SLC6A6: variants seen among roughly 807,000 people sequenced by gnomAD.
The protein encoded by SLC6A6 is sodium- and chloride-dependent taurine transporter.
Under a neutral mutation model 68.8 loss-of-function variants are expected in SLC6A6, and 16 were observed. The ratio of observed to expected loss-of-function variants is 0.23; its 90% CI spans 0.16 to 0.35. SLC6A6 has a LOEUF of 0.35. SLC6A6 is among the 10% of genes least tolerant of loss of function. The pLI is 1.00. For missense variants in SLC6A6, 474 were observed against 802.8 expected, an observed-to-expected ratio of 0.59 and a Z score of 4.95; for synonymous variants, 312 against 315.4, an observed-to-expected ratio of 0.99 and a Z score of 0.12.
chr3:14,489,300 T>A lies in SLC6A6; in HGVS notation c.*4293T>A, dbSNP rs1200608378. The A allele has an allele frequency of 2.0e-5, 3 of 152,662 alleles. No individual in the cohort carries two copies. Among genetic ancestry groups the A allele is most frequent in the African/African-American group, 7.2e-5 (3 of 41,460 alleles). The allele number at this position is 152,662 out of a possible 1,614,324, so 9.5% of individuals were successfully genotyped here. A position where few individuals can be genotyped will look rare whatever the true frequency, so the allele number is the denominator to read the frequency against. On this transcript the variant is annotated 3_prime_UTR_variant, in exon 15 of 15. Transcript: ENST00000622186. Reference sequence around the variant, plus strand: ...TCATCTTTGCTTTTTTTAGAGGAGTTTGTAATCACCTTATAACATGAAAAT... The same window carrying A: ...TCATCTTTGCTTTTTTTAGAGGAGTATGTAATCACCTTATAACATGAAAAT...
chr3:14,417,659 G>A (rs1699394174), intron 2 of SLC6A6, among the ~76,000 whole-genome samples: 1 of 151,992 alleles, frequency 6.6e-6, no homozygotes. Flanking sequence ...GTGAACCCGG[G>A]GGATGGAGCT....
chr3:14,458,169 C>T (rs752681212), intron 6 of SLC6A6, 87 bp downstream of exon 6: 57 of 1,274,250 alleles, frequency 4.5e-5, no homozygotes, highest in Middle Eastern at 1.8e-4. Context: ...CAATTAGCCA[C>T]GCCCCAAGAG....
intron 2 of SLC6A6, among the ~76,000 whole-genome samples, chr3:14,436,873 T>C (rs1316042673): frequency 6.6e-6 from 1 of 152,182 alleles, no homozygotes; most frequent in African/African-American, 2.4e-5. Flanking sequence ...GTCTCCATCA[T>C]GTGGCCCTTC....
At chr3:14,448,048 A>G (rs1700170503) in intron 5 of SLC6A6, 3 of 1,253,652 alleles carry the variant, frequency 2.4e-6, no homozygotes, top group African/African-American at 3.0e-5. Context: ...TCTGAGCCTC[A>G]GTTTCTTTAC....
At position 14,487,537 on chromosome 3, in the gene SLC6A6, G is replaced by T. The variant is rs867655837; in HGVS notation, c.*2530G>T. ...CCTGCTTTCTGCTTGGGATGGGTCA[G>T]AAATGCTGATGCCCGCACATAGCCC... On this transcript the variant is annotated 3_prime_UTR_variant, in exon 15 of 15. Transcript: ENST00000622186. 1 of 152,208 alleles carries T rather than the reference G, an allele frequency of 6.6e-6. No homozygotes were observed. The highest frequency in any genetic ancestry group is 2.4e-5 in the African/African-American group (1 of 41,450). 9.4% of individuals were successfully genotyped at this position (152,208 alleles called of 1,614,324 possible).
At chr3:14,426,487 C>CT (rs1172397982) in intron 2 of SLC6A6, among the ~76,000 whole-genome samples, 1 of 152,208 alleles carries the variant, frequency 6.6e-6, no homozygotes, top group East Asian at 1.9e-4. Flanking sequence ...TTCGAGTGTG[C>CT]TTTTAAGCCC....
Position 14,445,793 on chromosome 3 carries a change from C to G in SLC6A6, c.306C>G (p.Gly102=). The G allele has an allele frequency of 6.2e-7, 1 of 1,613,948 alleles. No individual in the cohort carries two copies. The highest frequency in any genetic ancestry group is 8.5e-7 in the Non-Finnish European group (1 of 1,179,782). Residue 102 remains glycine (G), a synonymous_variant, in exon 4 of 15, where the codon GGC becomes GGG. Coordinates refer to ENST00000622186, the MANE Select transcript of SLC6A6 (RefSeq NM_003043.6). ...TGTTTTTCTTGGAGATCATCATAGG[C>G]CAGTACACCTCTGAAGGGGGCATCA... ...LPVFFLEIII[G]QYTSEGGITC...
chr3:14,475,431 C>T (rs552949165), intron 10 of SLC6A6, among the ~76,000 whole-genome samples: 2 of 152,340 alleles, frequency 1.3e-5, no homozygotes, highest in Admixed American at 6.5e-5. Flanking sequence ...CATGGGTTAA[C>T]AGTTATCTCC....
chr3:14,447,606 T>C lies in SLC6A6; in HGVS notation c.389T>C (p.Ile130Thr), dbSNP rs1400077213. 3.1e-6 allele frequency: 5 copies of C among 1,614,144 alleles called. No homozygotes were observed. The highest frequency in any genetic ancestry group is 1.7e-5 in the Admixed American group (1 of 60,014). ...GGTATCGGCTATGCCTCCGTTGTAA[T>C]TGTGTCCCTCCTGAATGTCTACTAC... ...FSGIGYASVV[I>T]VSLLNVYYIV... Residue 130 changes from isoleucine to threonine, a missense_variant, in exon 5 of 15, where the codon ATT becomes ACT. This residue lies in a region of SLC6A6 where 280 missense variants were observed against 533.1 expected (regional missense o/e 0.53). Transcript: ENST00000622186.
At chr3:14,421,725 C>T (rs995409976) in intron 2 of SLC6A6, among the ~76,000 whole-genome samples, 6 of 152,174 alleles carry the variant, frequency 3.9e-5, no homozygotes, top group Admixed American at 3.9e-4. Context: ...CTACTGCCCC[C>T]CATTTACAGG....
chr3:14,432,547 C>G (rs1371281527), intron 2 of SLC6A6: 1 of 152,366 alleles, frequency 6.6e-6, no homozygotes, highest in Non-Finnish European at 1.5e-5. Context: ...GCTTGGCTCC[C>G]TCTGACCCTT....
chr3:14,462,567 C>A (rs1002877280), intron 6 of SLC6A6, among the ~76,000 whole-genome samples: 1 of 152,162 alleles, frequency 6.6e-6, no homozygotes, highest in African/African-American at 2.4e-5. Flanking sequence ...GGCATCGTGG[C>A]GCGTACCTGT....
intron 1 of SLC6A6, among the ~76,000 whole-genome samples, chr3:14,408,860 G>GCGGTGGCGCC: frequency 1.3e-5 from 2 of 151,890 alleles, no homozygotes; most frequent in Non-Finnish European, 2.9e-5. Flanking sequence ...AGGCTGGAGT[G>GCGGTGGCGCC]CAGTGGCGTG....
At chr3:14,403,271 G>A (rs1020850919) in intron 1 of SLC6A6, among the ~76,000 whole-genome samples, 3 of 152,120 alleles carry the variant, frequency 2.0e-5, no homozygotes, top group Non-Finnish European at 2.9e-5. Flanking sequence ...CTGCGTGCTG[G>A]GCTGTGTGTG....
At position 14,425,409 on chromosome 3, in the gene SLC6A6, G is replaced by A. The variant is rs558425819; in HGVS notation, c.-12+8956G>A. Among the ~76,000 whole-genome samples, 5 of 152,294 alleles carry A rather than the reference G, an allele frequency of 3.3e-5. No individual in the cohort carries two copies. In the South Asian group the frequency reaches 1.0e-3, roughly 32 times the overall value. ...GAGCCCAAGCAGCAGAGGCAGGGAGGGCCCCTCCTCTCCACACACATTGTC... is the reference window on the plus strand; with the variant it reads ...GAGCCCAAGCAGCAGAGGCAGGGAGAGCCCCTCCTCTCCACACACATTGTC... On this transcript the variant is annotated intron_variant, in intron 2 of 14. Transcript: ENST00000622186.
Position 14,487,471 on chromosome 3 carries a change from C to T in SLC6A6, c.*2464C>T, listed in dbSNP as rs1701201840. On this transcript the variant is annotated 3_prime_UTR_variant, in exon 15 of 15. Transcript: ENST00000622186. Reference sequence around the variant, plus strand: ...CGAAACTTTCCATGAGAGCTCATGACTCTGGTCCACCTGTCTATAGAGAAT... The same window carrying T: ...CGAAACTTTCCATGAGAGCTCATGATTCTGGTCCACCTGTCTATAGAGAAT... 1 of 152,328 alleles carries T rather than the reference C, an allele frequency of 6.6e-6. No individual in the cohort carries two copies. Among genetic ancestry groups the T allele is most frequent in the Non-Finnish European group, 1.5e-5 (1 of 68,116 alleles). The allele number at this position is 152,328 out of a possible 1,614,324, so 9.4% of individuals were successfully genotyped here. A position where few individuals can be genotyped will look rare whatever the true frequency, so the allele number is the denominator to read the frequency against.
At chr3:14,436,838 G>A (rs1349406691) in intron 2 of SLC6A6, among the ~76,000 whole-genome samples, 1 of 152,104 alleles carries the variant, frequency 6.6e-6, no homozygotes, top group East Asian at 1.9e-4. Flanking sequence ...CTGCTCCCCA[G>A]GCCCTGTCCA....
chr3:14,415,958 A>G lies in SLC6A6; in HGVS notation c.-53-454A>G, dbSNP rs574290566. Reference sequence around the variant, plus strand: ...TCAGGAGTGTGGGCTTTCTGTGGCTAGGGCTGTGGAACAGCTTACCCATTT... The same window carrying G: ...TCAGGAGTGTGGGCTTTCTGTGGCTGGGGCTGTGGAACAGCTTACCCATTT... On this transcript the variant is annotated intron_variant, in intron 1 of 14. Transcript: ENST00000622186. Among the ~76,000 whole-genome samples, 7 of 152,286 alleles carry G rather than the reference A, an allele frequency of 4.6e-5. No homozygotes were observed. The East Asian group carries it at 7.7e-4, about 17-fold the overall frequency.
chr3:14,460,780 G>A (rs979733907), intron 6 of SLC6A6, among the ~76,000 whole-genome samples: 2 of 152,236 alleles, frequency 1.3e-5, no homozygotes, highest in African/African-American at 4.8e-5. Context: ...GTGATTCCCA[G>A]AACAATAGCA....
Sources: gnomAD v4.1 joint callset for allele counts (sites outside exome capture counted in the v4.1 genomes callset) on GRCh38, gnomAD v4.1.1 for gene constraint, gnomAD v4.1.1 regional missense constraint, MANE v1.5 for transcripts, NCBI Gene and HGNC (gene_info 2026-07-23, HGNC 2026-07-21) for gene names.